The following RBM4B variants were observed in gnomAD, a reference collection of about 807,000 sequenced individuals.
RBM4B encodes RNA-binding protein 4B.
Under a neutral mutation model 28.5 loss-of-function variants are expected in RBM4B, and 13 were observed. The observed-to-expected ratio is 0.46, with a 90% CI of 0.30 to 0.72. The LOEUF (loss-of-function observed/expected upper bound fraction) is 0.72, where lower values mean the gene tolerates loss of function less well. RBM4B is among the 30% of genes least tolerant of loss of function. The probability of loss-of-function intolerance (pLI) is 0.09; values close to 1 mark genes in which losing one functional copy is unlikely to be tolerated. For missense variants in RBM4B, 387 were observed against 477.6 expected (o/e 0.81, Z 1.77); for synonymous variants, 167 against 179.1 (o/e 0.93, Z 0.54).
chr11:66,669,261 C>T lies in RBM4B; in HGVS notation c.443G>A (p.Ser148Asn). ...GKRMHVQLST[S>N]RLRTAPGMGD... ...CATACCAGGGGCAGTCCGAAGCCGG[C>T]TTGTGGACAACTGCACATGCATTCT... The change falls in exon 3 of 4, where the codon AGC (serine) becomes AAC (asparagine). Residue 148 changes from serine (S) to asparagine (N), a missense_variant. Around this residue, in one of 2 missense-constraint regions of RBM4B, gnomAD observed 161 missense variants for 256.9 expected, o/e 0.63. Coordinates refer to ENST00000310046, the MANE Select transcript of RBM4B (RefSeq NM_031492.4). 1 of 1,614,036 alleles carries T rather than the reference C, an allele frequency of 6.2e-7. No individual in the cohort carries two copies. Among genetic ancestry groups the T allele is most frequent in the Non-Finnish European group, 8.5e-7 (1 of 1,179,938 alleles).
chr11:66,671,247 A>G (rs1203411080), intron 2 of RBM4B, among the ~76,000 whole-genome samples: 1 of 152,238 alleles, frequency 6.6e-6, no homozygotes, highest in East Asian at 1.9e-4. Flanking sequence ...GCATTTTGCC[A>G]TCCCATTGTT....
At chr11:66,673,283 T>C (rs920558906) in intron 2 of RBM4B, among the ~76,000 whole-genome samples, 1 of 152,144 alleles carries the variant, frequency 6.6e-6, no homozygotes, top group African/African-American at 2.4e-5. Flanking sequence ...ATACAAACTA[T>C]GTGTCTAAGG....
intron 2 of RBM4B, among the ~76,000 whole-genome samples, chr11:66,674,570 T>G (rs1233667567): frequency 8.2e-5 from 12 of 146,114 alleles, no homozygotes; most frequent in Non-Finnish European, 1.2e-4. Flanking sequence ...TATATATGGT[T>G]TTTTTTTTTT....
At chr11:66,665,864 A>G in intron 3 of RBM4B, 2 of 1,531,302 alleles carry the variant, frequency 1.3e-6, no homozygotes, top group African/African-American at 2.7e-5. Flanking sequence ...AGGCAAGATA[A>G]CCCCTGTGAC....
At chr11:66,672,042 C>T (rs1423010563) in intron 2 of RBM4B, among the ~76,000 whole-genome samples, 3 of 151,938 alleles carry the variant, frequency 2.0e-5, no homozygotes, top group African/African-American at 7.3e-5. Context: ...CCACTGCACC[C>T]GGCCCAATTT....
chr11:66,668,144 TG>T (rs1188755178), intron 3 of RBM4B: 1 of 162,966 alleles, frequency 6.1e-6, no homozygotes, highest in Non-Finnish European at 1.4e-5. Context: ...GTATGGGTTT[TG>T]GTATCAGACA....
In RBM4B at chr11:66,669,452, G is replaced by GTT. The variant is rs879148856; in HGVS notation, c.413-163_413-162dup. Among the ~76,000 whole-genome samples, 44 of 145,866 alleles carry GTT rather than the reference G, an allele frequency of 3.0e-4. 1 individual carries two copies. In the South Asian group the frequency reaches 8.2e-3, roughly 27 times the overall value. Reference sequence around the variant, plus strand: ...TTTAAAAAGTAGTTGAAGTTTTTTTGTTTTTTTTTTTGAGACGGAGTTTCC... The same window carrying GTT: ...TTTAAAAAGTAGTTGAAGTTTTTTTGTTTTTTTTTTTTTGAGACGGAGTTTCC... On this transcript the variant is annotated intron_variant, in intron 2 of 3. Transcript: ENST00000310046.
intron 2 of RBM4B, chr11:66,671,053 G>C (rs1366310455): frequency 5.7e-6 from 4 of 701,884 alleles, no homozygotes; most frequent in Non-Finnish European, 1.0e-5. Context: ...GAGGGGAGCG[G>C]GTTAGTGTGG....
rs763410892 is a variant in RBM4B, at chr11:66,677,417, C to T, written c.-12-326G>A. ...CCAAGCAAAGGCAAGGGGCATCAAT[C>T]GCAGTGCGCCTGGTAACAAGGTTTT... On this transcript the variant is annotated intron_variant, in intron 1 of 3. Transcript: ENST00000310046. The T allele has an allele frequency of 1.0e-3, 356 of 345,326 alleles. 2 individuals carry two copies. The highest frequency in any genetic ancestry group is 1.5e-3 in the Non-Finnish European group (284 of 186,882). The allele number at this position is 345,326 out of a possible 1,614,324, so 21.4% of individuals were successfully genotyped here. A position where few individuals can be genotyped will look rare whatever the true frequency, so the allele number is the denominator to read the frequency against.
intron 3 of RBM4B, 30 bp from the exon 4 acceptor site, chr11:66,665,608 C>CAGTA (rs1565090425): frequency 6.5e-7 from 1 of 1,535,904 alleles, no homozygotes; most frequent in Admixed American, 2.0e-5. Context: ...AAGAGGCTTA[C>CAGTA]ACAATGCCTG....
At chr11:66,671,509 G>A (rs923944716) in intron 2 of RBM4B, among the ~76,000 whole-genome samples, 9 of 152,094 alleles carry the variant, frequency 5.9e-5, no homozygotes, top group African/African-American at 1.7e-4. Flanking sequence ...CCAATCCAGA[G>A]ACCTAAAAGT....
intron 2 of RBM4B, chr11:66,675,812 T>G (rs1348315740): frequency 1.3e-5 from 2 of 152,346 alleles, no homozygotes; most frequent in East Asian, 3.9e-4. Context: ...TTGAAACGTG[T>G]CTGGTATACA....
At chr11:66,676,466 G>A in intron 2 of RBM4B, 2 of 648,324 alleles carry the variant, frequency 3.1e-6, no homozygotes, top group Non-Finnish European at 5.2e-6. Context: ...TGCAGTCGGT[G>A]AGCAACATCT....
chr11:66,667,761 T>C (rs1228133584), intron 3 of RBM4B: 1 of 151,702 alleles, frequency 6.6e-6, no homozygotes, highest in Non-Finnish European at 1.5e-5. Flanking sequence ...TGGAATACAG[T>C]GGTGTGATCA....
chr11:66,665,151 A>G lies in RBM4B; in HGVS notation c.*437T>C, dbSNP rs1939177855. 1 of 165,998 alleles carries G rather than the reference A, an allele frequency of 6.0e-6. No homozygotes were observed. The highest frequency in any genetic ancestry group is 2.4e-5 in the African/African-American group (1 of 41,756). 10.3% of individuals were successfully genotyped at this position (165,998 alleles called of 1,614,324 possible). A position where few individuals can be genotyped will look rare whatever the true frequency, so the allele number is the denominator to read the frequency against. ...AACAAAACCCCCAATGGTCCTAGCAATTTCAGAAGAGTAACTTAAGTGTTA... is the reference window on the plus strand; with the variant it reads ...AACAAAACCCCCAATGGTCCTAGCAGTTTCAGAAGAGTAACTTAAGTGTTA... On this transcript the variant is annotated 3_prime_UTR_variant, in exon 4 of 4. Transcript: ENST00000310046.
intron 2 of RBM4B, chr11:66,675,933 T>C (rs1939623212): frequency 6.6e-6 from 1 of 152,272 alleles, no homozygotes; most frequent in Non-Finnish European, 1.5e-5. Context: ...CCTCTTGTGG[T>C]ATTAATGACA....
rs1590889015 is a variant in RBM4B, at chr11:66,676,422, C to T, written c.412+246G>A. The T allele has an allele frequency of 2.3e-4, 132 of 582,678 alleles. 1 individual carries two copies. In the East Asian group the frequency reaches 3.7e-3, roughly 16 times the overall value. The allele number at this position is 582,678 out of a possible 1,614,324, so 36.1% of individuals were successfully genotyped here. On this transcript the variant is annotated intron_variant, in intron 2 of 3. Coordinates refer to ENST00000310046, the MANE Select transcript of RBM4B (RefSeq NM_031492.4). ...AGCACTCGAATCAATGCAAGAATCC[C>T]GCAGGGTAAAGTAACCCACAGTTTG...
intron 2 of RBM4B, among the ~76,000 whole-genome samples, chr11:66,669,623 T>C (rs1939394822): frequency 6.6e-6 from 1 of 152,192 alleles, no homozygotes; most frequent in Non-Finnish European, 1.5e-5. Flanking sequence ...ATTTTGTATT[T>C]TTAGTAGAGA....
At chr11:66,666,252 GA>G (rs917142750) in intron 3 of RBM4B, 746 of 1,022,322 alleles carry the variant, frequency 7.3e-4, no homozygotes, top group Middle Eastern at 8.4e-4. Flanking sequence ...ATGGCTGGGG[GA>G]AAAAAAAAGT....
Sources: allele counts gnomAD v4.1 joint callset (sites outside exome capture counted in the v4.1 genomes callset), GRCh38; gene constraint gnomAD v4.1.1; regional missense constraint gnomAD v4.1.1; transcripts MANE v1.5; gene names NCBI Gene and HGNC (gene_info 2026-07-23, HGNC 2026-07-21).